DERA: variants seen among roughly 807,000 people sequenced by gnomAD.
The protein encoded by DERA is 2-deoxy-D-ribose 5-phosphate aldolase.
A neutral mutation model predicts 41.1 loss-of-function variants in DERA; 15 were observed. The ratio of observed to expected loss-of-function variants is 0.37; its 90% CI spans 0.24 to 0.56. The LOEUF (loss-of-function observed/expected upper bound fraction) is 0.56, where lower values mean the gene tolerates loss of function less well. Among genes scored for constraint, DERA ranks in the 20% least tolerant of loss-of-function variants. The probability of loss-of-function intolerance (pLI) is 0.81; values close to 1 mark genes in which losing one functional copy is unlikely to be tolerated. For missense variants in DERA, 396 were observed against 403.4 expected, an observed-to-expected ratio of 0.98 and a Z score of 0.16; for synonymous variants, 139 against 137.4, an observed-to-expected ratio of 1.01 and a Z score of -0.08.
rs1231395140 is a variant in DERA, at chr12:15,984,518, T to C, written c.637+2082T>C. ...TCATGGTGTGCTTTACCAGGTACAT[T>C]GAAACAATATTCCTTCGTCCTCACA... On this transcript the variant is annotated intron_variant, in intron 6 of 8. Coordinates refer to ENST00000428559, the MANE Select transcript of DERA (RefSeq NM_015954.4). This position sits in a 1 kb window ranked among gnomAD's most constrained non-coding sequence, Gnocchi z 4.5. Among the ~76,000 whole-genome samples, 2 of 152,210 alleles carry C rather than the reference T, an allele frequency of 1.3e-5. No homozygotes were observed. Among genetic ancestry groups the C allele is most frequent in the African/African-American group, 4.8e-5 (2 of 41,454 alleles).
At chr12:16,030,089 A>ATT (rs71051276) in intron 6 of DERA, among the ~76,000 whole-genome samples, 75 of 139,218 alleles carry the variant, frequency 5.4e-4, no homozygotes, top group Middle Eastern at 3.6e-3. Context: ...TGCCCGGCTA[A>ATT]TTTTTTTTTT....
Position 15,943,953 on chromosome 12 carries a change from C to G in DERA, c.32-12983C>G, listed in dbSNP as rs1193302921. 4.1e-5 allele frequency among the ~76,000 whole-genome samples: 6 copies of G among 146,990 alleles called. No individual in the cohort carries two copies. Among genetic ancestry groups the G allele is most frequent in the Middle Eastern group, 3.4e-3 (1 of 294 alleles). On this transcript the variant is annotated intron_variant, in intron 1 of 8. Coordinates refer to ENST00000428559, the MANE Select transcript of DERA (RefSeq NM_015954.4). The surrounding 1 kb of genome is among the most constrained non-coding windows in gnomAD (Gnocchi z 4.5). The stretch of plus-strand genomic sequence containing the variant: ...TCCAAGTGTTCTCATTGTTCAATTC[C>G]CACCTATGAGTGAGAACATGCGGTG...
chr12:15,952,228 G>A (rs1440513413), intron 1 of DERA, among the ~76,000 whole-genome samples: 1 of 152,130 alleles, frequency 6.6e-6, no homozygotes, highest in Non-Finnish European at 1.5e-5. Context: ...TGGCTGAATT[G>A]TATTCTGTTT....
Position 15,992,749 on chromosome 12 carries a change from A to G in DERA, c.637+10313A>G, listed in dbSNP as rs539110715. Among the ~76,000 whole-genome samples the G allele has an allele frequency of 9.2e-5, 14 of 152,326 alleles. No homozygotes were observed. The highest frequency in any genetic ancestry group is 1.8e-4 in the Non-Finnish European group (12 of 68,014). ...ACTGCTAAGGGATTTCAGCCCAGCA[A>G]ATGCACACATTAAGAATAATGCCAG... On this transcript the variant is annotated intron_variant, in intron 6 of 8. Coordinates refer to ENST00000428559, the MANE Select transcript of DERA (RefSeq NM_015954.4). This position sits in a 1 kb window ranked among gnomAD's most constrained non-coding sequence, Gnocchi z 4.3.
At chr12:15,963,894 A>G (rs1002806761) in intron 5 of DERA, among the ~76,000 whole-genome samples, 3 of 152,004 alleles carry the variant, frequency 2.0e-5, no homozygotes, top group Non-Finnish European at 4.4e-5. Flanking sequence ...TGTAAAGCCT[A>G]TGTCTATTTG....
intron 1 of DERA, among the ~76,000 whole-genome samples, chr12:15,950,315 A>G (rs1474410875): frequency 6.6e-6 from 1 of 152,188 alleles, no homozygotes; most frequent in African/African-American, 2.4e-5. Context: ...TTTTTAGACC[A>G]TATAGGGTAA....
chr12:15,990,909 G>A lies in DERA; in HGVS notation c.637+8473G>A, dbSNP rs1565607138. 1.3e-5 allele frequency among the ~76,000 whole-genome samples: 2 copies of A among 151,938 alleles called. No homozygotes were observed. The highest frequency in any genetic ancestry group is 2.4e-5 in the African/African-American group (1 of 41,374). Reference sequence around the variant, plus strand: ...TCTTTGCTGTTGTGAGTATTGCTGCGATGAACATATGCATACATGTGTCTT... The same window carrying A: ...TCTTTGCTGTTGTGAGTATTGCTGCAATGAACATATGCATACATGTGTCTT... On this transcript the variant is annotated intron_variant, in intron 6 of 8. Coordinates refer to ENST00000428559, the MANE Select transcript of DERA (RefSeq NM_015954.4). The surrounding 1 kb of genome is among the most constrained non-coding windows in gnomAD (Gnocchi z 4.3).
chr12:15,949,430 T>G (rs1171121403), intron 1 of DERA, among the ~76,000 whole-genome samples: 2 of 150,708 alleles, frequency 1.3e-5, no homozygotes, highest in African/African-American at 2.4e-5. Flanking sequence ...CACTGCCACC[T>G]TGTAGTTTGA....
Position 15,999,833 on chromosome 12 carries a change from G to T in DERA, c.637+17397G>T, listed in dbSNP as rs1358017146. Among the ~76,000 whole-genome samples the T allele has an allele frequency of 1.3e-5, 2 of 152,170 alleles. No individual in the cohort carries two copies. Among genetic ancestry groups the T allele is most frequent in the African/African-American group, 4.8e-5 (2 of 41,432 alleles). ...GTTTGCTGTATGTCAGACACTGGAT[G>T]ACAAAGATTATTATGACACCCTCAA... On this transcript the variant is annotated intron_variant, in intron 6 of 8. Transcript: ENST00000428559. This position sits in a 1 kb window ranked among gnomAD's most constrained non-coding sequence, Gnocchi z 5.3.
intron 1 of DERA, among the ~76,000 whole-genome samples, chr12:15,944,372 A>G (rs1359745509): frequency 6.6e-6 from 1 of 152,130 alleles, no homozygotes; most frequent in Admixed American, 6.5e-5. Flanking sequence ...CTATTTCTCC[A>G]CATCCTCTCC....
chr12:15,920,092 T>C (rs1275847575), intron 1 of DERA, among the ~76,000 whole-genome samples: 1 of 98,946 alleles, frequency 1.0e-5, no homozygotes, highest in Non-Finnish European at 2.7e-5. Context: ...TTGAACTAGG[T>C]ATCTGGCCTG....
intron 1 of DERA, among the ~76,000 whole-genome samples, chr12:15,944,060 A>G (rs1453479166): frequency 3.3e-5 from 5 of 151,940 alleles, no homozygotes; most frequent in African/African-American, 1.2e-4. Flanking sequence ...ACATGAACTC[A>G]TCCTTCTTTA....
intron 6 of DERA, among the ~76,000 whole-genome samples, chr12:15,997,376 A>AT (rs910186918): frequency 4.8e-4 from 72 of 150,850 alleles, no homozygotes; most frequent in South Asian, 4.4e-3. Flanking sequence ...GAAAAAAATG[A>AT]TTTTTTTTTT....
At chr12:16,015,329 G>A (rs1948973848) in intron 6 of DERA, among the ~76,000 whole-genome samples, 1 of 152,176 alleles carries the variant, frequency 6.6e-6, no homozygotes. Flanking sequence ...GAGACCAGGT[G>A]GAGGTAATTG....
chr12:16,006,018 T>C (rs1389914822), intron 6 of DERA, among the ~76,000 whole-genome samples: 1 of 152,236 alleles, frequency 6.6e-6, no homozygotes, highest in Non-Finnish European at 1.5e-5. Flanking sequence ...TGTTCGGTCC[T>C]TACACTTTCA....
At chr12:15,968,251 T>G (rs1470192507) in intron 5 of DERA, among the ~76,000 whole-genome samples, 1 of 152,218 alleles carries the variant, frequency 6.6e-6, no homozygotes, top group Non-Finnish European at 1.5e-5. Context: ...ATCAGTTGAT[T>G]AATTAGTACA....
At chr12:15,916,657 G>A (rs1258950985) in intron 1 of DERA, among the ~76,000 whole-genome samples, 1 of 151,968 alleles carries the variant, frequency 6.6e-6, no homozygotes, top group African/African-American at 2.4e-5. Flanking sequence ...CACAGTGTTG[G>A]CCAGGCTGGT....
Position 15,924,454 on chromosome 12 carries a change from C to A in DERA, c.31+13040C>A, listed in dbSNP as rs1453162019. Among the ~76,000 whole-genome samples the A allele has an allele frequency of 2.0e-5, 3 of 152,138 alleles. No homozygotes were observed. The highest frequency in any genetic ancestry group is 4.4e-5 in the Non-Finnish European group (3 of 68,032). On this transcript the variant is annotated intron_variant, in intron 1 of 8. Transcript: ENST00000428559. This position sits in a 1 kb window ranked among gnomAD's most constrained non-coding sequence, Gnocchi z 5.0. ...AATTGAACTCAGTAAATATATTTTT[C>A]ACTGTAGAGATTACAAATACAATAT... is the stretch of plus-strand genomic sequence containing the variant.
intron 1 of DERA, among the ~76,000 whole-genome samples, chr12:15,937,071 C>T (rs1207080109): frequency 1.3e-5 from 2 of 152,142 alleles, no homozygotes; most frequent in East Asian, 1.9e-4. Context: ...CTCCTGGGCT[C>T]AGCCTCCTGT....
Sources: gnomAD v4.1 joint callset for allele counts (sites outside exome capture counted in the v4.1 genomes callset) on GRCh38, gnomAD v4.1.1 for gene constraint, Gnocchi (gnomAD v3.1) non-coding constraint, MANE v1.5 for transcripts, NCBI Gene and HGNC (gene_info 2026-07-23, HGNC 2026-07-21) for gene names.